NRG3: variants seen among roughly 807,000 people sequenced by gnomAD.
NRG3 encodes neuregulin 3, also known as pro-neuregulin-3, membrane-bound isoform.
NRG3 carries 31 observed loss-of-function variants against 66.9 expected under a neutral mutation model. The ratio of observed to expected loss-of-function variants is 0.46; its 90% CI spans 0.35 to 0.63. The LOEUF is 0.63. Ranked by LOEUF, NRG3 falls within the 20% of genes least tolerant of loss-of-function variation. NRG3 has a pLI of 0.00. For missense variants in NRG3, 910 were observed against 878.9 expected, an observed-to-expected ratio of 1.04 and a Z score of -0.45; for synonymous variants, 393 against 359.4, an observed-to-expected ratio of 1.09 and a Z score of -1.06.
chr10:81,938,640 TGC>T (rs1491011211), intron 1 of NRG3, among the ~76,000 whole-genome samples: 4 of 151,280 alleles, frequency 2.6e-5, no homozygotes, highest in Non-Finnish European at 5.9e-5. Context: ...TGTGTGTGTG[TGC>T]ATGCATGCAT....
chr10:82,863,292 G>T (rs1251631535), intron 3 of NRG3, among the ~76,000 whole-genome samples: 1 of 152,142 alleles, frequency 6.6e-6, no homozygotes, highest in Non-Finnish European at 1.5e-5. Context: ...CCAAGTCTTT[G>T]CTATTGTAAA....
At chr10:82,543,182 G>A (rs534176950) in intron 2 of NRG3, among the ~76,000 whole-genome samples, 4 of 152,040 alleles carry the variant, frequency 2.6e-5, no homozygotes, top group Admixed American at 1.3e-4. Context: ...GGGAGCCACC[G>A]TGCCCAGCCT....
intron 1 of NRG3, among the ~76,000 whole-genome samples, chr10:82,100,740 A>G (rs2066679474): frequency 1.3e-5 from 2 of 152,050 alleles, no homozygotes; most frequent in Admixed American, 6.6e-5. Context: ...TGGTATTACC[A>G]TTTATATATA....
At chr10:82,184,024 T>G (rs938977109) in intron 1 of NRG3, among the ~76,000 whole-genome samples, 6 of 152,094 alleles carry the variant, frequency 3.9e-5, no homozygotes, top group East Asian at 3.9e-4. Flanking sequence ...ACATGAGCAA[T>G]TAGGTAAGCA....
At chr10:82,935,515 G>A (rs778778029) in intron 4 of NRG3, among the ~76,000 whole-genome samples, 2 of 152,166 alleles carry the variant, frequency 1.3e-5, no homozygotes, top group Non-Finnish European at 2.9e-5. Context: ...ATAGACCTAT[G>A]AGCACTAACA....
intron 3 of NRG3, among the ~76,000 whole-genome samples, chr10:82,778,948 G>T (rs969495161): frequency 6.6e-6 from 1 of 152,110 alleles, no homozygotes; most frequent in African/African-American, 2.4e-5. Context: ...AGGAGAAGGA[G>T]CTGCAGCAGT....
chr10:82,043,495 G>A (rs1386870059), intron 1 of NRG3, among the ~76,000 whole-genome samples: 1 of 152,028 alleles, frequency 6.6e-6, no homozygotes, highest in Admixed American at 6.6e-5. Flanking sequence ...TAAGTTAGAA[G>A]AGTAGAATAT....
chr10:82,269,144 T>A (rs549911688), intron 1 of NRG3, among the ~76,000 whole-genome samples: 2 of 152,228 alleles, frequency 1.3e-5, no homozygotes, highest in Non-Finnish European at 1.5e-5. Flanking sequence ...CCCTTCTTAA[T>A]TTTTCTCTGA....
chr10:82,447,648 CATT>C (rs781735123), intron 2 of NRG3, among the ~76,000 whole-genome samples: 3 of 152,236 alleles, frequency 2.0e-5, no homozygotes, highest in East Asian at 3.8e-4. Flanking sequence ...GAATTTGCCT[CATT>C]GTTGTATTCT....
Position 82,439,028 on chromosome 10 carries a change from T to C in NRG3, c.953+80160T>C, listed in dbSNP as rs147710361. 5.0e-3 allele frequency among the ~76,000 whole-genome samples: 755 copies of C among 152,256 alleles called. 7 individuals carry two copies. The highest frequency in any genetic ancestry group is 8.0e-3 in the Non-Finnish European group (543 of 68,006). On this transcript the variant is annotated intron_variant, in intron 2 of 8. Coordinates refer to ENST00000372141, the MANE Select transcript of NRG3 (RefSeq NM_001010848.4). The stretch of plus-strand genomic sequence containing the variant: ...TTACTTTCTGTACATTAACTTCTAC[T>C]ATACCTTTGTGTTTATTTATGAAAT...
chr10:81,925,756 AAG>A (rs1409705290), intron 1 of NRG3, among the ~76,000 whole-genome samples: 1 of 151,412 alleles, frequency 6.6e-6, no homozygotes. Context: ...TTAAAAAAAA[AAG>A]AGAAATCCAT....
intron 1 of NRG3, among the ~76,000 whole-genome samples, chr10:82,191,452 C>T (rs753858639): frequency 6.6e-6 from 1 of 152,196 alleles, no homozygotes; most frequent in South Asian, 2.1e-4. Flanking sequence ...CACTGTTCAG[C>T]CATGGCTTTC....
intron 4 of NRG3, among the ~76,000 whole-genome samples, chr10:82,883,568 T>C (rs1282232671): frequency 1.3e-5 from 2 of 152,182 alleles, no homozygotes; most frequent in Non-Finnish European, 2.9e-5. Context: ...TGAAAAGAAT[T>C]TCCCTAGTCA....
chr10:82,391,822 A>G (rs2086385711), intron 2 of NRG3, among the ~76,000 whole-genome samples: 1 of 151,966 alleles, frequency 6.6e-6, no homozygotes, highest in Non-Finnish European at 1.5e-5. Context: ...TACATAATAC[A>G]CACCCTTTCT....
intron 3 of NRG3, among the ~76,000 whole-genome samples, chr10:82,823,966 C>G (rs953414445): frequency 1.2e-4 from 19 of 152,082 alleles, no homozygotes; most frequent in African/African-American, 4.3e-4. Flanking sequence ...ACCTGCCTGC[C>G]AATAAAACCA....
intron 1 of NRG3, among the ~76,000 whole-genome samples, chr10:82,277,923 G>A (rs2078934633): frequency 1.3e-5 from 2 of 152,062 alleles, no homozygotes; most frequent in South Asian, 4.1e-4. Flanking sequence ...GAGAGCTTTG[G>A]AGGAGTCAAT....
intron 4 of NRG3, among the ~76,000 whole-genome samples, chr10:82,890,921 A>G (rs958405421): frequency 1.3e-5 from 2 of 152,048 alleles, no homozygotes; most frequent in Non-Finnish European, 2.9e-5. Flanking sequence ...TGACATTTGG[A>G]TAATCTGTTT....
Position 82,356,205 on chromosome 10 carries a change from T to A in NRG3, c.824-2534T>A, listed in dbSNP as rs1004383295. 3.9e-5 allele frequency among the ~76,000 whole-genome samples: 6 copies of A among 152,336 alleles called. 1 individual carries two copies. The highest frequency in any genetic ancestry group is 3.9e-4 in the Admixed American group (6 of 15,300). On this transcript the variant is annotated intron_variant, in intron 1 of 8. Transcript: ENST00000372141. ...AGTTGTCAGATGGAAATTAATTGAT[T>A]GTAATTGCTTTGCCATTGTATTGCA... is the stretch of plus-strand genomic sequence containing the variant.
chr10:82,039,057 C>A (rs2132983517), intron 1 of NRG3, among the ~76,000 whole-genome samples: 1 of 152,146 alleles, frequency 6.6e-6, no homozygotes, highest in East Asian at 1.9e-4. Context: ...CTTTTTCAGG[C>A]ATCAAAGTTG....
Sources: allele counts gnomAD v4.1 joint callset (sites outside exome capture counted in the v4.1 genomes callset), GRCh38; gene constraint gnomAD v4.1.1; transcripts MANE v1.5; gene names NCBI Gene and HGNC (gene_info 2026-07-23, HGNC 2026-07-21).